The following TRERF1 variants were observed in gnomAD, a reference collection of about 807,000 sequenced individuals.
TRERF1 encodes transcriptional-regulating factor 1.
A neutral mutation model predicts 122.9 loss-of-function variants in TRERF1; 27 were observed. The ratio of observed to expected loss-of-function variants is 0.22; its 90% CI spans 0.16 to 0.30. The LOEUF is 0.30. TRERF1 is among the 10% of genes least tolerant of loss of function. The probability of loss-of-function intolerance (pLI) is 1.00; values close to 1 mark genes in which losing one functional copy is unlikely to be tolerated. For missense variants in TRERF1, 1,248 were observed against 1,560.3 expected, an observed-to-expected ratio of 0.80 and a Z score of 3.37; for synonymous variants, 636 against 641.7, an observed-to-expected ratio of 0.99 and a Z score of 0.13.
intron 2 of TRERF1, among the ~76,000 whole-genome samples, chr6:42,438,396 G>A (rs1264836476): frequency 1.3e-5 from 2 of 151,012 alleles, no homozygotes; most frequent in Non-Finnish European, 3.0e-5. Flanking sequence ...GACCACCTGA[G>A]GTCAGGAGTT....
chr6:42,365,999 C>T lies in TRERF1; in HGVS notation c.-453-2920G>A, dbSNP rs112590128. ...TCCTTCTTCAATCTTGTTTCCCATG[C>T]GTACCTCTGCTCACCCCATCTGTAA... On this transcript the variant is annotated intron_variant, in intron 2 of 17. Coordinates refer to ENST00000372922, the Ensembl canonical transcript of TRERF1. Among the ~76,000 whole-genome samples the T allele has an allele frequency of 8.1e-3, 1,232 of 152,246 alleles. 21 individuals are homozygous for T. The highest frequency in any genetic ancestry group is 0.028 in the African/African-American group (1,158 of 41,526).
In TRERF1 at chr6:42,276,230, C is replaced by T. The variant is rs1200260324; in HGVS notation, c.-258-6382G>A. The stretch of plus-strand genomic sequence containing the variant: ...CCACCCTTTGAACCAGAGACACAGA[C>T]AGAGAGATACACCAGGAGAGGAAGT... On this transcript the variant is annotated intron_variant, in intron 4 of 17. Coordinates refer to ENST00000372922, the Ensembl canonical transcript of TRERF1. This position sits in a 1 kb window ranked among gnomAD's most constrained non-coding sequence, Gnocchi z 4.3. 6.6e-6 allele frequency among the ~76,000 whole-genome samples: 1 copy of T among 152,218 alleles called. No homozygotes were observed. The highest frequency in any genetic ancestry group is 1.5e-5 in the Non-Finnish European group (1 of 68,044).
intron 13 of TRERF1, among the ~76,000 whole-genome samples, chr6:42,247,710 G>A (rs200448914): frequency 6.6e-6 from 1 of 152,184 alleles, no homozygotes; most frequent in South Asian, 2.1e-4. Flanking sequence ...ATACTGGCTT[G>A]TTTGGGGCAA....
At chr6:42,277,905 GGAAGAAGAAGAAGAAGAAGAA>G (rs70987587) in intron 4 of TRERF1, among the ~76,000 whole-genome samples, 1,270 of 85,070 alleles carry the variant, frequency 0.015, 21 homozygotes, top group Admixed American at 0.052. Flanking sequence ...GAAGGAAGAA[GGAAGAAGAAGAAGAAGAAGAA>G]GAAGAAGAAG....
intron 2 of TRERF1, among the ~76,000 whole-genome samples, chr6:42,398,451 T>A (rs1285272020): frequency 6.6e-6 from 1 of 152,160 alleles, no homozygotes; most frequent in East Asian, 1.9e-4. Context: ...ATTCTATTCA[T>A]CCTTCAAAAC....
chr6:42,386,963 C>A (rs1383478160), intron 2 of TRERF1, among the ~76,000 whole-genome samples: 2 of 152,096 alleles, frequency 1.3e-5, no homozygotes, highest in Admixed American at 1.3e-4. Context: ...CTTGCCAGCA[C>A]CCCCTACCAT....
At chr6:42,398,017 T>G (rs1778872652) in intron 2 of TRERF1, among the ~76,000 whole-genome samples, 1 of 152,196 alleles carries the variant, frequency 6.6e-6, no homozygotes, top group African/African-American at 2.4e-5. Flanking sequence ...GCAACCTGAA[T>G]CCTATATTAT....
intron 12 of TRERF1, 69 bp from the exon 13 acceptor site, chr6:42,254,995 C>G: frequency 1.3e-6 from 2 of 1,516,924 alleles, no homozygotes; most frequent in South Asian, 2.2e-5. Flanking sequence ...AGATCATCTA[C>G]CCAAAGGGGA....
chr6:42,340,061 C>T (rs1417035681), intron 3 of TRERF1, among the ~76,000 whole-genome samples: 1 of 152,146 alleles, frequency 6.6e-6, no homozygotes, highest in Non-Finnish European at 1.5e-5. Flanking sequence ...CACCCCAGGG[C>T]TAAGTCTTGT....
At position 42,259,361 on chromosome 6, in the gene TRERF1, T is replaced by C. The variant is rs1302868976; in HGVS notation, c.2247A>G (p.Pro749=). The change falls in exon 9 of 18, where the codon CCA becomes CCG. Residue 749 remains proline, a synonymous_variant. Transcript: ENST00000372922. The surrounding 1 kb of genome is among the most constrained non-coding windows in gnomAD (Gnocchi z 4.9). ...CACTGGAGCGACACAGCAGCACCCGTGGTGTGGGCGTCAGGGGCGTCAGGG... is the reference window on the plus strand; with the variant it reads ...CACTGGAGCGACACAGCAGCACCCGCGGTGTGGGCGTCAGGGGCGTCAGGG... 1 of 1,512,784 alleles carries C rather than the reference T, an allele frequency of 6.6e-7. No homozygotes were observed. The highest frequency in any genetic ancestry group is 1.3e-5 in the South Asian group (1 of 76,132). The allele number at this position is 1,512,784 out of a possible 1,614,324, so 93.7% of individuals were successfully genotyped here. A position where few individuals can be genotyped will look rare whatever the true frequency, so the allele number is the denominator to read the frequency against.
chr6:42,281,687 T>A (rs1782327255), intron 4 of TRERF1, among the ~76,000 whole-genome samples: 1 of 152,098 alleles, frequency 6.6e-6, no homozygotes, highest in Non-Finnish European at 1.5e-5. Flanking sequence ...GCCAGGATCC[T>A]CCAGCCCTGT....
chr6:42,420,182 G>C (rs1212010550), intron 2 of TRERF1, among the ~76,000 whole-genome samples: 3 of 152,154 alleles, frequency 2.0e-5, no homozygotes, highest in African/African-American at 7.2e-5. Flanking sequence ...CCAGGACTTA[G>C]TTTCCTCTTC....
intron 3 of TRERF1, among the ~76,000 whole-genome samples, chr6:42,313,608 C>T (rs542480725): frequency 2.0e-5 from 3 of 152,244 alleles, no homozygotes; most frequent in Admixed American, 6.5e-5. Context: ...GGGATGTGGG[C>T]CCCAGAACAA....
rs10627056 is a variant in TRERF1, at chr6:42,299,116, C to CTGTCTGTATCTATCTATCTATCTA, written c.-259+1521_-259+1522insTAGATAGATAGATAGATACAGACA. Among the ~76,000 whole-genome samples, 81 of 141,784 alleles carry CTGTCTGTATCTATCTATCTATCTA rather than the reference C, an allele frequency of 5.7e-4. No homozygotes were observed. In the South Asian group the frequency reaches 8.1e-3, roughly 14 times the overall value. The allele number at this position is 141,784 out of a possible 152,430, so 93.0% of individuals were successfully genotyped here. A position where few individuals can be genotyped will look rare whatever the true frequency, so the allele number is the denominator to read the frequency against. ...TCTATCTGTCTGTCTGTCTGTCTGT[C>CTGTCTGTATCTATCTATCTATCTA]TCTATCTATCTATCTATCTACATAT... On this transcript the variant is annotated intron_variant, in intron 4 of 17. Coordinates refer to ENST00000372922, the Ensembl canonical transcript of TRERF1.
intron 3 of TRERF1, among the ~76,000 whole-genome samples, chr6:42,303,643 G>A (rs1472757020): frequency 6.6e-6 from 1 of 152,134 alleles, no homozygotes; most frequent in East Asian, 1.9e-4. Context: ...GCTGCGCACA[G>A]TGGGTCCCAC....
At chr6:42,294,273 C>T (rs556624346) in intron 4 of TRERF1, among the ~76,000 whole-genome samples, 1 of 151,142 alleles carries the variant, frequency 6.6e-6, no homozygotes, top group African/African-American at 2.4e-5. Flanking sequence ...CCTCCGCTTC[C>T]TGGGTTCAAG....
At chr6:42,437,137 CG>C (rs1330286412) in intron 2 of TRERF1, among the ~76,000 whole-genome samples, 1 of 152,024 alleles carries the variant, frequency 6.6e-6, no homozygotes, top group Non-Finnish European at 1.5e-5. Flanking sequence ...CCTCAGGAAA[CG>C]GAGGTTCAGG....
chr6:42,392,524 GCTAA>G (rs763452905), intron 2 of TRERF1, among the ~76,000 whole-genome samples: 10 of 152,226 alleles, frequency 6.6e-5, no homozygotes, highest in Admixed American at 2.0e-4. Context: ...CAGTTTTTAG[GCTAA>G]CTAACTGAAA....
chr6:42,278,870 G>A (rs1258604565), intron 4 of TRERF1, among the ~76,000 whole-genome samples: 1 of 152,076 alleles, frequency 6.6e-6, no homozygotes, highest in Admixed American at 6.6e-5. Context: ...AGGTCATGAG[G>A]GCCCCTGGCC....
Sources: allele counts gnomAD v4.1 joint callset (sites outside exome capture counted in the v4.1 genomes callset), GRCh38; gene constraint gnomAD v4.1.1; non-coding constraint Gnocchi (gnomAD v3.1); transcripts MANE v1.5; gene names NCBI Gene and HGNC (gene_info 2026-07-23, HGNC 2026-07-21).